Variants in FAM178B observed in about 807,000 individuals in gnomAD.
FAM178B encodes family with sequence similarity 178 member B, also known as protein FAM178B.
In FAM178B, 82 loss-of-function variants were observed where a neutral mutation model predicts 91.7. That is an observed-to-expected ratio of 0.89 (90% confidence interval 0.75 to 1.07). The LOEUF (loss-of-function observed/expected upper bound fraction) is 1.07. Among genes scored for constraint, FAM178B ranks in the 50% least tolerant of loss-of-function variants. FAM178B has a pLI of 0.00. For synonymous variants in FAM178B, 368 were observed against 359.4 expected (o/e 1.02, Z -0.27); for missense variants, 769 against 846.7 (o/e 0.91, Z 1.14).
chr2:96,947,363 A>G (rs768622556), intron 8 of FAM178B, among the ~76,000 whole-genome samples: 5 of 152,154 alleles, frequency 3.3e-5, no homozygotes, highest in African/African-American at 7.2e-5. Context: ...TCAGCCAAAG[A>G]AGGCTGTCAG....
At chr2:96,960,826 A>G (rs2082069282) in intron 5 of FAM178B, among the ~76,000 whole-genome samples, 2 of 152,154 alleles carry the variant, frequency 1.3e-5, no homozygotes, top group South Asian at 4.1e-4. Flanking sequence ...GTGGACAGAG[A>G]GGCCTACAGG....
chr2:96,900,785 C>T (rs1014574931), intron 13 of FAM178B, among the ~76,000 whole-genome samples: 22 of 152,196 alleles, frequency 1.4e-4, no homozygotes, highest in Admixed American at 2.6e-4. Context: ...CCAACCCCAC[C>T]GGTCACCTCT....
At chr2:96,979,658 T>A (rs557836358) in intron 1 of FAM178B, among the ~76,000 whole-genome samples, 63 of 152,288 alleles carry the variant, frequency 4.1e-4, no homozygotes, top group African/African-American at 1.3e-3. Context: ...AGTAGTGGGA[T>A]TGGTGGGTTG....
chr2:96,977,711 G>A (rs2082309913), intron 1 of FAM178B: 1 of 402,528 alleles, frequency 2.5e-6, no homozygotes, highest in Admixed American at 2.8e-5. Flanking sequence ...GGGGGAAGGA[G>A]GGAAGGATAT....
intron 1 of FAM178B, among the ~76,000 whole-genome samples, chr2:96,976,240 C>T (rs1258752769): frequency 6.6e-6 from 1 of 151,658 alleles, no homozygotes; most frequent in Non-Finnish European, 1.5e-5. Context: ...ACTACAGGTG[C>T]GTGCCACCAT....
intron 14 of FAM178B, among the ~76,000 whole-genome samples, chr2:96,881,270 C>CAA (rs1168855038): frequency 3.7e-3 from 240 of 64,306 alleles, no homozygotes; most frequent in African/African-American, 5.9e-3. Context: ...AAGCTGGTCT[C>CAA]AAAAAAAAAA....
intron 14 of FAM178B, among the ~76,000 whole-genome samples, chr2:96,892,721 T>C (rs919094996): frequency 6.6e-6 from 1 of 151,942 alleles, no homozygotes; most frequent in Non-Finnish European, 1.5e-5. Context: ...AGACCAGACG[T>C]GACACTCTTT....
chr2:96,908,479 C>T (rs1384896618), intron 12 of FAM178B, among the ~76,000 whole-genome samples: 1 of 152,172 alleles, frequency 6.6e-6, no homozygotes, highest in Non-Finnish European at 1.5e-5. Flanking sequence ...GCAGGAGGCT[C>T]ATTTGAGGTC....
At position 96,947,728 on chromosome 2, in the gene FAM178B, G is replaced by A. The variant is rs1376651246; in HGVS notation, c.1078+90C>T. The A allele has an allele frequency of 1.1e-5, 8 of 723,638 alleles. No individual in the cohort carries two copies. In the East Asian group the frequency reaches 1.6e-4, roughly 15 times the overall value. The allele number at this position is 723,638 out of a possible 1,614,324, so 44.8% of individuals were successfully genotyped here. ...GGATGCAATGTCCCACCAGCATCTC[G>A]CCTGCAGCTGGGCTCTGGGCACTGA... On this transcript the variant is annotated intron_variant, in intron 8 of 16. Coordinates refer to ENST00000490605, the MANE Select transcript of FAM178B (RefSeq NM_001122646.3).
intron 4 of FAM178B, 103 bp downstream of exon 4, chr2:96,970,613 G>A: frequency 1.1e-6 from 1 of 876,060 alleles, no homozygotes. Context: ...CTGAGTCTGG[G>A]TGGGAGGCCG....
intron 1 of FAM178B, among the ~76,000 whole-genome samples, chr2:96,976,869 AAAAT>A (rs1199338663): frequency 1.3e-5 from 2 of 151,576 alleles, no homozygotes; most frequent in African/African-American, 4.8e-5. Context: ...AAAATAAAAT[AAAAT>A]AAATAAACAC....
At chr2:96,954,600 C>T (rs930621803) in intron 6 of FAM178B, among the ~76,000 whole-genome samples, 2 of 152,216 alleles carry the variant, frequency 1.3e-5, no homozygotes, top group African/African-American at 2.4e-5. Context: ...AAGTGATGGC[C>T]GAAGGATAAA....
At chr2:96,906,750 G>A (rs576807066) in intron 12 of FAM178B, among the ~76,000 whole-genome samples, 10 of 152,128 alleles carry the variant, frequency 6.6e-5, no homozygotes, top group Non-Finnish European at 8.8e-5. Context: ...ACAGGCCTTC[G>A]CCTCCCTGTC....
intron 6 of FAM178B, among the ~76,000 whole-genome samples, chr2:96,953,160 T>G (rs2081953297): frequency 6.6e-6 from 1 of 152,244 alleles, no homozygotes; most frequent in East Asian, 1.9e-4. Flanking sequence ...GACCTTCGTT[T>G]GTACATACAA....
At chr2:96,883,866 G>T (rs1421795200) in intron 14 of FAM178B, among the ~76,000 whole-genome samples, 1 of 152,160 alleles carries the variant, frequency 6.6e-6, no homozygotes, top group African/African-American at 2.4e-5. Context: ...TGGCTGGGCT[G>T]CTCTCAGCCC....
At chr2:96,884,128 T>G (rs1234499081) in intron 14 of FAM178B, among the ~76,000 whole-genome samples, 1 of 152,102 alleles carries the variant, frequency 6.6e-6, no homozygotes, top group East Asian at 1.9e-4. Flanking sequence ...ATAGTACCAC[T>G]TCACGGCATC....
intron 1 of FAM178B, among the ~76,000 whole-genome samples, chr2:96,980,693 G>A (rs1304920002): frequency 1.3e-5 from 2 of 152,128 alleles, no homozygotes; most frequent in South Asian, 2.1e-4. Context: ...ATGAGCAACC[G>A]AGCCAGCCTC....
intron 4 of FAM178B, among the ~76,000 whole-genome samples, chr2:96,969,213 TA>T (rs1199701777): frequency 6.6e-6 from 1 of 152,248 alleles, no homozygotes; most frequent in African/African-American, 2.4e-5. Context: ...TCCTATGGAC[TA>T]AATGTCTGTG....
At chr2:96,974,745 ATAAACT>A (rs1213939362) in intron 1 of FAM178B, among the ~76,000 whole-genome samples, 2 of 152,186 alleles carry the variant, frequency 1.3e-5, no homozygotes, top group Non-Finnish European at 2.9e-5. Flanking sequence ...AGTCACACAA[ATAAACT>A]TTAAGTCAAA....
Sources: allele counts gnomAD v4.1 joint callset (sites outside exome capture counted in the v4.1 genomes callset), GRCh38; gene constraint gnomAD v4.1.1; transcripts MANE v1.5; gene names NCBI Gene and HGNC (gene_info 2026-07-23, HGNC 2026-07-21).